The following TRHDE variants were observed in gnomAD, a reference collection of about 807,000 sequenced individuals.
TRHDE encodes the protein thyrotropin releasing hormone degrading enzyme, also known as thyrotropin-releasing hormone-degrading ectoenzyme.
TRHDE carries 72 observed loss-of-function variants against 125.7 expected under a neutral mutation model. That is an observed-to-expected ratio of 0.57 (90% CI 0.47 to 0.70). The LOEUF (loss-of-function observed/expected upper bound fraction) is 0.70, where lower values mean the gene tolerates loss of function less well. Ranked by LOEUF, TRHDE falls within the 30% of genes least tolerant of loss-of-function variation. The pLI, the probability that TRHDE is intolerant of heterozygous loss-of-function variation, is 0.00. For missense variants in TRHDE, 1,110 were observed against 1,327.1 expected (o/e 0.84, Z 2.54); for synonymous variants, 509 against 509.1 (o/e 1.00, Z 0.00).
At chr12:72,098,742 C>A (rs1347965082) in intron 1 of TRHDE, among the ~76,000 whole-genome samples, 3 of 152,134 alleles carry the variant, frequency 2.0e-5, no homozygotes, top group Non-Finnish European at 4.4e-5. Context: ...CAGCTAGAAC[C>A]AACTGCCAGA....
At chr12:72,594,658 T>C (rs1247431057) in intron 12 of TRHDE, among the ~76,000 whole-genome samples, 1 of 152,064 alleles carries the variant, frequency 6.6e-6, no homozygotes, top group Non-Finnish European at 1.5e-5. Flanking sequence ...CAGTTTCATG[T>C]TTTTGGAAAT....
intron 3 of TRHDE, among the ~76,000 whole-genome samples, chr12:72,409,604 C>T (rs1730758280): frequency 1.3e-5 from 2 of 152,104 alleles, no homozygotes; most frequent in Admixed American, 6.6e-5. Context: ...CAGCAGAGCT[C>T]TAGTTGATCC....
intron 2 of TRHDE, among the ~76,000 whole-genome samples, chr12:72,192,676 GT>G (rs1043344450): frequency 1.3e-5 from 2 of 151,692 alleles, no homozygotes; most frequent in African/African-American, 4.8e-5. Context: ...ATGAACTTAA[GT>G]TTTTTTTTAA....
intron 2 of TRHDE, among the ~76,000 whole-genome samples, chr12:72,241,438 A>G (rs774632884): frequency 6.6e-6 from 1 of 152,140 alleles, no homozygotes; most frequent in Non-Finnish European, 1.5e-5. Flanking sequence ...TTCACTATGC[A>G]TAATGCCTTT....
upstream of TRHDE, among the ~76,000 whole-genome samples, chr12:72,268,618 C>T (rs975757158): frequency 1.5e-4 from 23 of 151,920 alleles, no homozygotes; most frequent in African/African-American, 5.3e-4. Context: ...ACTGAGTACC[C>T]GAGGACACCT....
At chr12:72,212,667 G>A (rs933699623) in intron 2 of TRHDE, among the ~76,000 whole-genome samples, 7 of 152,086 alleles carry the variant, frequency 4.6e-5, no homozygotes, top group Non-Finnish European at 7.4e-5. Flanking sequence ...TGGTTATAAT[G>A]TAAGAGATAG....
At chr12:72,088,783 A>G (rs1874725203) in intron 1 of TRHDE, among the ~76,000 whole-genome samples, 3 of 151,316 alleles carry the variant, frequency 2.0e-5, no homozygotes, top group South Asian at 4.2e-4. Flanking sequence ...GATCTGCTTC[A>G]TTTTCTTCCC....
At chr12:72,660,292 T>C (rs1874866032) in intron 18 of TRHDE, among the ~76,000 whole-genome samples, 1 of 152,178 alleles carries the variant, frequency 6.6e-6, no homozygotes, top group Non-Finnish European at 1.5e-5. Flanking sequence ...ACAAGGAACA[T>C]GAGCATTGAA....
intron 3 of TRHDE, among the ~76,000 whole-genome samples, chr12:72,420,214 C>T (rs189494936): frequency 3.3e-5 from 5 of 152,252 alleles, no homozygotes; most frequent in African/African-American, 9.6e-5. Context: ...TGCAGTTGAT[C>T]GTCTCTAGTT....
At chr12:72,570,364 T>C (rs548783217) in intron 10 of TRHDE, among the ~76,000 whole-genome samples, 2 of 152,156 alleles carry the variant, frequency 1.3e-5, no homozygotes, top group South Asian at 4.2e-4. Context: ...GTGGATCACT[T>C]GAGATCAGGA....
intron 2 of TRHDE, among the ~76,000 whole-genome samples, chr12:72,176,909 T>C (rs1304581059): frequency 6.6e-6 from 1 of 152,206 alleles, no homozygotes; most frequent in African/African-American, 2.4e-5. Flanking sequence ...GCAGAAAGCA[T>C]GCAAGAAGAA....
chr12:72,312,990 C>G (rs1270766926), intron 2 of TRHDE, among the ~76,000 whole-genome samples: 1 of 152,066 alleles, frequency 6.6e-6, no homozygotes, highest in Non-Finnish European at 1.5e-5. Context: ...TCCCTTCCCT[C>G]CTCTTATGCT....
At chr12:72,296,961 C>G (rs2135680977) in intron 2 of TRHDE, among the ~76,000 whole-genome samples, 1 of 152,172 alleles carries the variant, frequency 6.6e-6, no homozygotes, top group East Asian at 1.9e-4. Flanking sequence ...AGAGCTGAAT[C>G]TATAAGAAGA....
At chr12:72,372,997 C>T (rs1238930335) in intron 2 of TRHDE, among the ~76,000 whole-genome samples, 5 of 152,156 alleles carry the variant, frequency 3.3e-5, no homozygotes, top group Admixed American at 6.5e-5. Context: ...GCCATTTTCA[C>T]GATAGTGATT....
intron 18 of TRHDE, 27 bp from the exon 19 acceptor site, chr12:72,663,025 T>A (rs1269940183): frequency 1.9e-6 from 3 of 1,591,692 alleles, no homozygotes; most frequent in Non-Finnish European, 1.7e-6. Flanking sequence ...ACAGGCAGAT[T>A]TACCATTTAA....
At chr12:72,482,781 G>C (rs562757346) in intron 5 of TRHDE, among the ~76,000 whole-genome samples, 1 of 152,006 alleles carries the variant, frequency 6.6e-6, no homozygotes. Context: ...ATTACATTCT[G>C]TTCCTAACTA....
At chr12:72,088,150 A>G (rs1435724879) in intron 1 of TRHDE, among the ~76,000 whole-genome samples, 1 of 152,190 alleles carries the variant, frequency 6.6e-6, no homozygotes, top group Non-Finnish European at 1.5e-5. Flanking sequence ...AGTAAGTCCC[A>G]GCAGTGGAAA....
intron 2 of TRHDE, among the ~76,000 whole-genome samples, chr12:72,136,355 A>T (rs1330364950): frequency 1.3e-5 from 2 of 152,254 alleles, no homozygotes; most frequent in African/African-American, 4.8e-5. Context: ...GAAATGCAAT[A>T]AAGCTCTCTT....
intron 3 of TRHDE, among the ~76,000 whole-genome samples, chr12:72,450,222 A>G (rs1875504424): frequency 6.6e-6 from 1 of 151,978 alleles, no homozygotes; most frequent in South Asian, 2.1e-4. Context: ...ATAGGATTCT[A>G]TTATCTCTTA....
Sources: allele counts gnomAD v4.1 joint callset (sites outside exome capture counted in the v4.1 genomes callset), GRCh38; gene constraint gnomAD v4.1.1; transcripts MANE v1.5; gene names NCBI Gene and HGNC (gene_info 2026-07-23, HGNC 2026-07-21).